MYH11: variants seen among roughly 807,000 people sequenced by gnomAD.
MYH11 encodes the protein myosin heavy chain 11.
Under a neutral mutation model 246.6 loss-of-function variants are expected in MYH11, and 80 were observed. The observed-to-expected ratio is 0.32, with a 90% CI of 0.27 to 0.39. MYH11 has a LOEUF of 0.39. Among genes scored for constraint, MYH11 ranks in the 10% least tolerant of loss-of-function variants. The pLI is 1.00. For synonymous variants in MYH11, 1,071 were observed against 1,015.5 expected (o/e 1.05, Z -1.04); for missense variants, 2,158 against 2,546.8 (o/e 0.85, Z 3.29).
chr16:15,811,071 G>T (rs1385348525), intron 3 of MYH11, among the ~76,000 whole-genome samples: 1 of 152,144 alleles, frequency 6.6e-6, no homozygotes, highest in Non-Finnish European at 1.5e-5. Flanking sequence ...GAGGTGATGA[G>T]ATCATGGGGG....
intron 3 of MYH11, among the ~76,000 whole-genome samples, chr16:15,822,535 A>T (rs530047552): frequency 6.6e-6 from 1 of 152,114 alleles, no homozygotes; most frequent in South Asian, 2.1e-4. Context: ...AACAAAACAA[A>T]AACAAAACAA....
chr16:15,777,569 T>C (rs1373986756), intron 7 of MYH11, among the ~76,000 whole-genome samples: 4 of 152,118 alleles, frequency 2.6e-5, no homozygotes, highest in Non-Finnish European at 5.9e-5. Context: ...AATGAATTGC[T>C]GAGAGGTGTG....
intron 26 of MYH11, among the ~76,000 whole-genome samples, chr16:15,734,441 A>G (rs924128523): frequency 6.6e-6 from 1 of 152,148 alleles, no homozygotes; most frequent in Non-Finnish European, 1.5e-5. Context: ...TGGGATTTAC[A>G]GGCATGCGCC....
intron 1 of MYH11, among the ~76,000 whole-genome samples, chr16:15,855,152 A>G (rs955469624): frequency 6.6e-6 from 1 of 152,196 alleles, no homozygotes; most frequent in Non-Finnish European, 1.5e-5. Context: ...TATTTCGGAC[A>G]TGATAATAAA....
intron 3 of MYH11, among the ~76,000 whole-genome samples, chr16:15,820,172 A>G (rs952615073): frequency 6.6e-6 from 1 of 152,184 alleles, no homozygotes; most frequent in Non-Finnish European, 1.5e-5. Context: ...GTAAAGCCCC[A>G]TCTCTACTAA....
At position 15,819,189 on chromosome 16, in the gene MYH11, A is replaced by G. The variant is rs146498126; in HGVS notation, c.502+4066T>C. ...TGCTCAATCATGATAGTCATTTCCT[A>G]TTGGAGCTTACTATGTGTCAAGTGA... On this transcript the variant is annotated intron_variant, in intron 3 of 40. Transcript: ENST00000300036. 9.3e-4 allele frequency among the ~76,000 whole-genome samples: 142 copies of G among 152,298 alleles called. 1 individual carries two copies. Among genetic ancestry groups the G allele is most frequent in the African/African-American group, 3.2e-3 (135 of 41,552 alleles).
rs2039296306 is a variant in MYH11 at position 15,703,549 on chromosome 16, TACAA to T, written c.*438_*441del. 6.0e-6 allele frequency: 2 copies of T among 334,820 alleles called. No individual in the cohort carries two copies. Among genetic ancestry groups the T allele is most frequent in the East Asian group, 9.1e-5 (2 of 21,926 alleles). 20.7% of individuals were successfully genotyped at this position (334,820 alleles called of 1,614,324 possible). A position where few individuals can be genotyped will look rare whatever the true frequency, so the allele number is the denominator to read the frequency against. ...TGGGTTTTTCTCATCTCTTACATCA[TACAA>T]ACTTCAATTTTTACCTTGAATACAG... On this transcript the variant is annotated 3_prime_UTR_variant, in exon 41 of 41. Coordinates refer to ENST00000300036, the MANE Select transcript of MYH11 (RefSeq NM_002474.3).
chr16:15,710,957 C>T (rs1017851768), intron 40 of MYH11, among the ~76,000 whole-genome samples: 1 of 152,164 alleles, frequency 6.6e-6, no homozygotes, highest in Admixed American at 6.5e-5. Flanking sequence ...GGATTACAGG[C>T]GTGAGCCACC....
chr16:15,708,695 G>C (rs2272557), intron 40 of MYH11: 1 of 1,211,182 alleles, frequency 8.3e-7, no homozygotes, highest in Non-Finnish European at 1.2e-6. Context: ...CAAGAATCTC[G>C]TGGAAATGTG....
intron 2 of MYH11, among the ~76,000 whole-genome samples, chr16:15,835,753 T>C (rs1299998590): frequency 6.6e-6 from 1 of 150,636 alleles, no homozygotes; most frequent in African/African-American, 2.4e-5. Context: ...ACTATTTTTT[T>C]TTTTTTTTTT....
intron 3 of MYH11, among the ~76,000 whole-genome samples, chr16:15,822,437 G>A (rs2151358550): frequency 6.6e-6 from 1 of 152,220 alleles, no homozygotes; most frequent in South Asian, 2.1e-4. Context: ...CCAGAACTTT[G>A]GGAGGCCAAA....
chr16:15,802,450 T>C (rs2054283138), intron 3 of MYH11, among the ~76,000 whole-genome samples: 1 of 152,198 alleles, frequency 6.6e-6, no homozygotes, highest in Non-Finnish European at 1.5e-5. Context: ...GCGATGTTAT[T>C]GACTAACCAA....
intron 10 of MYH11, among the ~76,000 whole-genome samples, chr16:15,761,199 C>G (rs1232645940): frequency 6.6e-6 from 1 of 151,932 alleles, no homozygotes; most frequent in Non-Finnish European, 1.5e-5. Flanking sequence ...CAACCTCCGC[C>G]TTCCGGGTTC....
intron 1 of MYH11, among the ~76,000 whole-genome samples, chr16:15,850,258 G>A (rs1026771701): frequency 2.0e-5 from 3 of 152,068 alleles, no homozygotes; most frequent in Non-Finnish European, 2.9e-5. Flanking sequence ...GGTGGTGGGC[G>A]CCTGTAATAC....
chr16:15,856,216 GTTGTT>G (rs1567223482), intron 1 of MYH11, among the ~76,000 whole-genome samples: 1 of 121,154 alleles, frequency 8.3e-6, no homozygotes, highest in East Asian at 3.3e-4. Flanking sequence ...ACCTGGGTGA[GTTGTT>G]TTTTTTTTTT....
chr16:15,828,765 C>G, intron 2 of MYH11, among the ~76,000 whole-genome samples: 1 of 145,524 alleles, frequency 6.9e-6, no homozygotes, highest in Non-Finnish European at 1.5e-5. Flanking sequence ...TGCACTCCAG[C>G]CTGGGCAACA....
chr16:15,710,725 G>A (rs1807684066), intron 40 of MYH11, among the ~76,000 whole-genome samples: 1 of 151,688 alleles, frequency 6.6e-6, no homozygotes, highest in African/African-American at 2.4e-5. Flanking sequence ...TCTGAAGGCT[G>A]GAGTATAGAG....
rs1310898450 is a variant in MYH11 at position 15,724,945 on chromosome 16, C to T, written c.3906G>A (p.Lys1302=). Residue 1302 remains lysine, a synonymous_variant, in exon 29 of 41, where the codon AAG becomes AAA. Transcript: ENST00000300036. The part of the protein sequence containing the change: ...VTGMLNEAEG[K]AIKLAKDVAS... ...CCACGTCCTTGGCCAGCTTAATGGC[C>T]TTCCCCTCGGCCTCGTTAAGCATCC... 16 of 1,614,010 alleles carry T rather than the reference C, an allele frequency of 9.9e-6. No homozygotes were observed. The highest frequency in any genetic ancestry group is 1.3e-5 in the African/African-American group (1 of 74,910).
intron 27 of MYH11, among the ~76,000 whole-genome samples, chr16:15,729,952 C>T (rs2040910781): frequency 6.6e-6 from 1 of 152,100 alleles, no homozygotes; most frequent in African/African-American, 2.4e-5. Flanking sequence ...TCCCAAAGTG[C>T]TGGGATTATA....
Sources: allele counts gnomAD v4.1 joint callset (sites outside exome capture counted in the v4.1 genomes callset), GRCh38; gene constraint gnomAD v4.1.1; transcripts MANE v1.5; gene names NCBI Gene and HGNC (gene_info 2026-07-23, HGNC 2026-07-21).